Variants in ADGRB3 observed in about 807,000 individuals in gnomAD.
The protein encoded by ADGRB3 is adhesion G protein-coupled receptor B3.
ADGRB3 carries 37 observed loss-of-function variants against 193.4 expected under a neutral mutation model. The ratio of observed to expected loss-of-function variants is 0.19; its 90% confidence interval spans 0.15 to 0.25. The LOEUF (loss-of-function observed/expected upper bound fraction) is 0.25. Among genes scored for constraint, ADGRB3 ranks in the 10% least tolerant of loss-of-function variants. The probability of loss-of-function intolerance (pLI) is 1.00; values close to 1 mark genes in which losing one functional copy is unlikely to be tolerated. For missense variants in ADGRB3, 1,637 were observed against 1,852.9 expected (o/e 0.88, Z 2.14); for synonymous variants, 690 against 644.2 (o/e 1.07, Z -1.08).
At position 69,140,622 on chromosome 6, in the gene ADGRB3, A is replaced by T. The variant is rs549911404; in HGVS notation, c.2480+64584A>T. Among the ~76,000 whole-genome samples the T allele has an allele frequency of 2.7e-3, 405 of 152,318 alleles. 1 individual carries two copies. The highest frequency in any genetic ancestry group is 6.1e-3 in the Admixed American group (93 of 15,298). ...GATGACTATTGTCAATAATAATTTA[A>T]TTGCACATTTAAAAAATAACTAAAA... On this transcript the variant is annotated intron_variant, in intron 17 of 31. Transcript: ENST00000370598.
At chr6:68,949,085 G>A (rs937321247) in intron 6 of ADGRB3, among the ~76,000 whole-genome samples, 1 of 151,892 alleles carries the variant, frequency 6.6e-6, no homozygotes, top group African/African-American at 2.4e-5. Context: ...TCGATGTAGA[G>A]GATTTTTTAA....
At chr6:69,111,923 GT>G (rs1773377475) in intron 17 of ADGRB3, among the ~76,000 whole-genome samples, 1 of 152,194 alleles carries the variant, frequency 6.6e-6, no homozygotes, top group South Asian at 2.1e-4. Flanking sequence ...ATTTTGAGTT[GT>G]TGTGGGATAG....
intron 4 of ADGRB3, among the ~76,000 whole-genome samples, chr6:68,932,521 A>T (rs1310505248): frequency 6.6e-6 from 1 of 152,086 alleles, no homozygotes. Flanking sequence ...ACAAACATAA[A>T]TACATGTATA....
intron 3 of ADGRB3, among the ~76,000 whole-genome samples, chr6:68,831,782 A>C (rs112689112): frequency 3.3e-5 from 5 of 152,320 alleles, no homozygotes; most frequent in Middle Eastern, 3.4e-3. Flanking sequence ...TGTGCCCCCA[A>C]AGTTTGGGAA....
intron 3 of ADGRB3, among the ~76,000 whole-genome samples, chr6:68,877,074 C>T (rs1201300318): frequency 1.3e-5 from 2 of 151,912 alleles, no homozygotes; most frequent in African/African-American, 2.4e-5. Context: ...TTATTTTGAT[C>T]CACATATCTC....
intron 17 of ADGRB3, among the ~76,000 whole-genome samples, chr6:69,149,934 G>A (rs959758465): frequency 1.3e-4 from 16 of 126,374 alleles, no homozygotes; most frequent in African/African-American, 4.7e-4. Context: ...CTGTGTGTGT[G>A]TGTGTGTGTG....
At chr6:68,696,001 C>T (rs935286454) in intron 3 of ADGRB3, among the ~76,000 whole-genome samples, 3 of 151,902 alleles carry the variant, frequency 2.0e-5, no homozygotes, top group Non-Finnish European at 2.9e-5. Context: ...TGGCTGCGAC[C>T]CAAAGGGGGT....
intron 3 of ADGRB3, among the ~76,000 whole-genome samples, chr6:68,919,476 G>T (rs954059823): frequency 6.6e-6 from 1 of 152,084 alleles, no homozygotes; most frequent in Non-Finnish European, 1.5e-5. Flanking sequence ...GTGAGAGGGT[G>T]ACAGTTATTT....
chr6:68,707,459 A>G (rs1158485106), intron 3 of ADGRB3, among the ~76,000 whole-genome samples: 1 of 152,158 alleles, frequency 6.6e-6, no homozygotes, highest in Non-Finnish European at 1.5e-5. Context: ...TATTCCCAAT[A>G]TATGCCATTT....
At position 69,339,445 on chromosome 6, in the gene ADGRB3, G is replaced by A; in HGVS notation, c.3400G>A (p.Val1134Met). ...CATATTGTTTCAAATACTTTTTGCT[G>A]TGTTTGATTCATTGCAAGGCTTTGT... ...RSILFQILFA[V>M]FDSLQGFVIV... The change falls in exon 26 of 32, where the codon GTG becomes ATG. Residue 1134 changes from valine to methionine, a missense_variant. Coordinates refer to ENST00000370598, the MANE Select transcript of ADGRB3 (RefSeq NM_001704.3). 1 of 1,614,002 alleles carries A rather than the reference G, an allele frequency of 6.2e-7. No homozygotes were observed. The highest frequency in any genetic ancestry group is 8.5e-7 in the Non-Finnish European group (1 of 1,179,908).
intron 10 of ADGRB3, among the ~76,000 whole-genome samples, chr6:68,975,938 C>T (rs1284895339): frequency 6.6e-6 from 1 of 152,138 alleles, no homozygotes; most frequent in Non-Finnish European, 1.5e-5. Context: ...AGCATAGTTA[C>T]ATTTTGCTTG....
At chr6:68,975,065 T>C (rs753221539) in intron 9 of ADGRB3, among the ~76,000 whole-genome samples, 169 bp from the exon 10 acceptor site, 1 of 152,214 alleles carries the variant, frequency 6.6e-6, no homozygotes, top group Non-Finnish European at 1.5e-5. Flanking sequence ...TGTAATTGTT[T>C]CTCAGTGTGA....
chr6:69,012,408 G>A (rs1479591309), intron 11 of ADGRB3, among the ~76,000 whole-genome samples: 4 of 151,940 alleles, frequency 2.6e-5, no homozygotes, highest in Non-Finnish European at 4.4e-5. Flanking sequence ...TGCCTCATTA[G>A]CACCATGTCC....
chr6:68,664,230 T>A (rs1309762808), intron 3 of ADGRB3, among the ~76,000 whole-genome samples: 1 of 151,050 alleles, frequency 6.6e-6, no homozygotes, highest in Non-Finnish European at 1.5e-5. Context: ...CAAATACCGA[T>A]TTTTTTTTAG....
At chr6:69,148,983 A>G (rs1164651643) in intron 17 of ADGRB3, among the ~76,000 whole-genome samples, 1 of 151,146 alleles carries the variant, frequency 6.6e-6, no homozygotes, top group African/African-American at 2.4e-5. Context: ...GACTTTTGGG[A>G]GTTTGATTAT....
At chr6:68,899,232 C>T (rs1582296923) in intron 3 of ADGRB3, among the ~76,000 whole-genome samples, 1 of 152,064 alleles carries the variant, frequency 6.6e-6, no homozygotes, top group African/African-American at 2.4e-5. Context: ...AAATTAATAT[C>T]GAAAGCCTTT....
At chr6:69,023,909 G>A (rs1487332761) in intron 13 of ADGRB3, among the ~76,000 whole-genome samples, 2 of 151,844 alleles carry the variant, frequency 1.3e-5, no homozygotes, top group Non-Finnish European at 2.9e-5. Flanking sequence ...GATAGTGGAG[G>A]GATTGATATT....
intron 3 of ADGRB3, among the ~76,000 whole-genome samples, chr6:68,903,044 T>C (rs1425840744): frequency 6.6e-6 from 1 of 152,192 alleles, no homozygotes; most frequent in Non-Finnish European, 1.5e-5. Flanking sequence ...ATGTAGAACA[T>C]GTAATTTAAT....
At chr6:68,715,340 G>A (rs1036804130) in intron 3 of ADGRB3, among the ~76,000 whole-genome samples, 1 of 151,572 alleles carries the variant, frequency 6.6e-6, no homozygotes, top group Non-Finnish European at 1.5e-5. Flanking sequence ...GGCTTGTGAA[G>A]AAGGTTTACT....
Sources: allele counts gnomAD v4.1 joint callset (sites outside exome capture counted in the v4.1 genomes callset), GRCh38; gene constraint gnomAD v4.1.1; transcripts MANE v1.5; gene names NCBI Gene and HGNC (gene_info 2026-07-23, HGNC 2026-07-21).